Variants in TRPC1 observed in about 807,000 individuals in gnomAD.
The protein encoded by TRPC1 is short transient receptor potential channel 1.
In TRPC1, 42 loss-of-function variants were observed where a neutral mutation model predicts 88.2. That is an observed-to-expected ratio of 0.48 (90% CI 0.37 to 0.62). TRPC1 has a LOEUF of 0.62. Among genes scored for constraint, TRPC1 ranks in the 20% least tolerant of loss-of-function variants. The probability of loss-of-function intolerance (pLI) is 0.00; values close to 1 mark genes in which losing one functional copy is unlikely to be tolerated. For synonymous variants in TRPC1, 288 were observed against 331.8 expected (o/e 0.87, Z 1.43); for missense variants, 699 against 957.3 (o/e 0.73, Z 3.56).
intron 2 of TRPC1, among the ~76,000 whole-genome samples, chr3:142,736,836 T>C (rs1174209584): frequency 6.6e-6 from 1 of 152,132 alleles, no homozygotes; most frequent in African/African-American, 2.4e-5. Flanking sequence ...TCATTACCTA[T>C]GTTAACACTA....
At chr3:142,786,418 A>G (rs1424661600) in intron 7 of TRPC1, among the ~76,000 whole-genome samples, 1 of 152,152 alleles carries the variant, frequency 6.6e-6, no homozygotes, top group Non-Finnish European at 1.5e-5. Context: ...TTGTAATTAG[A>G]GTTTTGCTTT....
chr3:142,768,630 T>C (rs1296328708), intron 4 of TRPC1, among the ~76,000 whole-genome samples: 1 of 152,150 alleles, frequency 6.6e-6, no homozygotes, highest in Non-Finnish European at 1.5e-5. Context: ...GCCATTTGCT[T>C]TCTGTATTTC....
At chr3:142,734,919 T>C (rs991138435) in intron 1 of TRPC1, among the ~76,000 whole-genome samples, 11 of 152,222 alleles carry the variant, frequency 7.2e-5, no homozygotes, top group African/African-American at 2.7e-4. Flanking sequence ...GATGTTGAAA[T>C]AGAGTCACCT....
At chr3:142,733,693 C>A (rs77238982) in intron 1 of TRPC1, among the ~76,000 whole-genome samples, 1,815 of 152,234 alleles carry the variant, frequency 0.012, 46 homozygotes, top group East Asian at 0.089. Context: ...CTGTCTCTAG[C>A]AATATGGTTG....
At chr3:142,744,020 T>C (rs952478825) in intron 3 of TRPC1, among the ~76,000 whole-genome samples, 7 of 152,128 alleles carry the variant, frequency 4.6e-5, no homozygotes, top group Admixed American at 4.6e-4. Flanking sequence ...GTTAAAAAAG[T>C]TAAATTTTTG....
chr3:142,724,331 G>T lies in TRPC1; in HGVS notation c.-229G>T, dbSNP rs1260544397. 6.1e-6 allele frequency: 2 copies of T among 325,598 alleles called. No individual in the cohort carries two copies. Among genetic ancestry groups the T allele is most frequent in the African/African-American group, 4.3e-5 (2 of 46,408 alleles). The allele number at this position is 325,598 out of a possible 1,614,324, so 20.2% of individuals were successfully genotyped here. A position where few individuals can be genotyped will look rare whatever the true frequency, so the allele number is the denominator to read the frequency against. On this transcript the variant is annotated 5_prime_UTR_variant, in exon 1 of 13. Coordinates refer to ENST00000476941, the MANE Select transcript of TRPC1 (RefSeq NM_001251845.2). The surrounding 1 kb of genome is among the most constrained non-coding windows in gnomAD (Gnocchi z 5.6). ...GCCGGCGGCTGGGGAGGGGTCGCTGGCCCCGGGGCCGCGCATGCGCCGCCA... is the reference window on the plus strand; with the variant it reads ...GCCGGCGGCTGGGGAGGGGTCGCTGTCCCCGGGGCCGCGCATGCGCCGCCA...
In TRPC1 at chr3:142,743,610, A is replaced by T. The variant is rs976659455; in HGVS notation, c.429+24A>T. On this transcript the variant is annotated intron_variant, in intron 3 of 12. Coordinates refer to ENST00000476941, the MANE Select transcript of TRPC1 (RefSeq NM_001251845.2). Reference sequence around the variant, plus strand: ...TAGTTAGTACTCTTAAATATTTATTAATTTGGATTTTTAAACCAAAATAGA... The same window carrying T: ...TAGTTAGTACTCTTAAATATTTATTTATTTGGATTTTTAAACCAAAATAGA... The T allele has an allele frequency of 1.9e-5, 27 of 1,414,706 alleles. No individual in the cohort carries two copies. In the African/African-American group the frequency reaches 3.9e-4, roughly 20 times the overall value. 87.6% of individuals were successfully genotyped at this position (1,414,706 alleles called of 1,614,324 possible). A position where few individuals can be genotyped will look rare whatever the true frequency, so the allele number is the denominator to read the frequency against.
At chr3:142,736,263 T>C (rs1934133200) in intron 1 of TRPC1, 116 bp from the exon 2 acceptor site, 3 of 717,860 alleles carry the variant, frequency 4.2e-6, no homozygotes, top group East Asian at 6.3e-5. Context: ...CATTTTCTTA[T>C]ACAAAAATGA....
At position 142,724,348 on chromosome 3, in the gene TRPC1, G is replaced by A. The variant is rs1933564658; in HGVS notation, c.-212G>A. 6 of 379,014 alleles carry A rather than the reference G, an allele frequency of 1.6e-5. No homozygotes were observed. Among genetic ancestry groups the A allele is most frequent in the Non-Finnish European group, 2.7e-5 (6 of 218,434 alleles). The allele number at this position is 379,014 out of a possible 1,614,324, so 23.5% of individuals were successfully genotyped here. A position where few individuals can be genotyped will look rare whatever the true frequency, so the allele number is the denominator to read the frequency against. On this transcript the variant is annotated 5_prime_UTR_variant, in exon 1 of 13. An upstream start codon of the reference 5' UTR is lost. Transcript: ENST00000476941. This position sits in a 1 kb window ranked among gnomAD's most constrained non-coding sequence, Gnocchi z 5.6. ...GGTCGCTGGCCCCGGGGCCGCGCAT[G>A]CGCCGCCACCAACTTGGGGCTGTCA...
chr3:142,763,372 T>C (rs1935257748), intron 4 of TRPC1, among the ~76,000 whole-genome samples: 1 of 152,056 alleles, frequency 6.6e-6, no homozygotes. Flanking sequence ...GGCTCCAGTG[T>C]TGGGTTCATA....
At chr3:142,738,848 T>C (rs1025711521) in intron 2 of TRPC1, among the ~76,000 whole-genome samples, 10 of 152,224 alleles carry the variant, frequency 6.6e-5, no homozygotes, top group African/African-American at 2.4e-4. Flanking sequence ...TAATAATTGC[T>C]AACATTTATA....
chr3:142,757,851 A>T (rs944007917), intron 4 of TRPC1, among the ~76,000 whole-genome samples: 3 of 152,114 alleles, frequency 2.0e-5, no homozygotes, highest in African/African-American at 7.2e-5. Context: ...TAGTACATAT[A>T]TGTATTTATT....
At chr3:142,725,474 A>T (rs1290086499) in intron 1 of TRPC1, among the ~76,000 whole-genome samples, 1 of 152,338 alleles carries the variant, frequency 6.6e-6, no homozygotes, top group East Asian at 1.9e-4. Flanking sequence ...CAAGGCAAAA[A>T]TATGTGGAAT....
At chr3:142,759,495 T>A (rs1417867712) in intron 4 of TRPC1, among the ~76,000 whole-genome samples, 1 of 152,234 alleles carries the variant, frequency 6.6e-6, no homozygotes, top group African/African-American at 2.4e-5. Context: ...TGTCTGTTCA[T>A]ATCCTTTGCC....
chr3:142,744,580 A>G (rs572478384), intron 3 of TRPC1, among the ~76,000 whole-genome samples: 2 of 152,202 alleles, frequency 1.3e-5, no homozygotes, highest in Non-Finnish European at 2.9e-5. Flanking sequence ...TTAAAAGAAT[A>G]GTTAGGAACA....
chr3:142,795,721 A>T (rs185448777), intron 9 of TRPC1, among the ~76,000 whole-genome samples: 1 of 152,262 alleles, frequency 6.6e-6, no homozygotes, highest in East Asian at 1.9e-4. Flanking sequence ...CGTTAATAGA[A>T]GTCCTTCAGG....
intron 6 of TRPC1, among the ~76,000 whole-genome samples, chr3:142,781,327 T>G (rs541291516): frequency 6.6e-6 from 1 of 152,310 alleles, no homozygotes; most frequent in Admixed American, 6.5e-5. Context: ...TGATTTAATG[T>G]TTTTGCTAAA....
chr3:142,748,572 C>A, intron 4 of TRPC1, 112 bp downstream of exon 4: 1 of 1,091,168 alleles, frequency 9.2e-7, no homozygotes, highest in Non-Finnish European at 1.3e-6. Flanking sequence ...GCTGGGGTGA[C>A]TTATGAAAGC....
chr3:142,734,346 C>T (rs1206480435), intron 1 of TRPC1, among the ~76,000 whole-genome samples: 1 of 151,744 alleles, frequency 6.6e-6, no homozygotes, highest in African/African-American at 2.4e-5. Context: ...ATAAAAAATA[C>T]AGTCATTAAA....
Sources: allele counts gnomAD v4.1 joint callset (sites outside exome capture counted in the v4.1 genomes callset), GRCh38; gene constraint gnomAD v4.1.1; non-coding constraint Gnocchi (gnomAD v3.1); transcripts MANE v1.5; gene names NCBI Gene and HGNC (gene_info 2026-07-23, HGNC 2026-07-21).